Variants in OPCML observed in about 807,000 individuals in gnomAD.
The protein encoded by OPCML is opioid binding protein/cell adhesion molecule like.
Under a neutral mutation model 37.8 loss-of-function variants are expected in OPCML, and 13 were observed. The observed-to-expected ratio is 0.34, with a 90% CI of 0.22 to 0.55. The LOEUF is 0.55. Ranked by LOEUF, OPCML falls within the 20% of genes least tolerant of loss-of-function variation. The pLI, the probability that OPCML is intolerant of heterozygous loss-of-function variation, is 0.91. For synonymous variants in OPCML, 176 were observed against 168.8 expected, an observed-to-expected ratio of 1.04 and a Z score of -0.33; for missense variants, 341 against 435.6, an observed-to-expected ratio of 0.78 and a Z score of 1.93.
chr11:133,167,238 T>A (rs1196193369), intron 1 of OPCML, among the ~76,000 whole-genome samples: 1 of 152,218 alleles, frequency 6.6e-6, no homozygotes, highest in Non-Finnish European at 1.5e-5. Flanking sequence ...TCCCTCATCA[T>A]CATCATTATT....
At chr11:132,915,981 CT>C (rs1944589336) in intron 2 of OPCML, among the ~76,000 whole-genome samples, 1 of 152,022 alleles carries the variant, frequency 6.6e-6, no homozygotes, top group Non-Finnish European at 1.5e-5. Flanking sequence ...TCCTTTATTG[CT>C]TTTGGGTTTT....
At chr11:132,655,753 A>T (rs1941673841) in intron 3 of OPCML, among the ~76,000 whole-genome samples, 1 of 152,120 alleles carries the variant, frequency 6.6e-6, no homozygotes, top group Non-Finnish European at 1.5e-5. Context: ...TGCTTGCGCC[A>T]AAAGGAAAGA....
intron 1 of OPCML, among the ~76,000 whole-genome samples, chr11:133,244,701 A>ACTCTCTCTCT (rs34434286): frequency 2.6e-5 from 4 of 151,110 alleles, no homozygotes; most frequent in African/African-American, 9.7e-5. Flanking sequence ...TTGCTCACTC[A>ACTCTCTCTCT]CTCTCTCTCT....
chr11:132,919,723 C>T (rs1565963904), intron 2 of OPCML, among the ~76,000 whole-genome samples: 1 of 152,142 alleles, frequency 6.6e-6, no homozygotes, highest in Admixed American at 6.5e-5. Flanking sequence ...TCTGTCTCCT[C>T]ACCTCGGAAT....
At chr11:132,534,968 A>G (rs1472979205) in intron 3 of OPCML, among the ~76,000 whole-genome samples, 1 of 151,138 alleles carries the variant, frequency 6.6e-6, no homozygotes, top group Non-Finnish European at 1.5e-5. Context: ...TTAAGTTGGG[A>G]CTTATAAATA....
intron 1 of OPCML, among the ~76,000 whole-genome samples, chr11:133,327,267 AG>A (rs1404299013): frequency 2.6e-5 from 4 of 151,800 alleles, no homozygotes; most frequent in Admixed American, 1.3e-4. Flanking sequence ...TTAGCAGGTG[AG>A]GGGTTAGGAA....
chr11:133,008,355 T>C lies in OPCML; in HGVS notation c.62-65345A>G, dbSNP rs114903512. The C allele has an allele frequency of 1.8e-3, 1,726 of 985,406 alleles. 33 individuals carry two copies. The African/African-American group carries it at 0.028, about 16-fold the overall frequency. The allele number at this position is 985,406 out of a possible 1,614,324, so 61.0% of individuals were successfully genotyped here. ...ATGGGAAAGAGACCTGAAAGGAATA[T>C]GTTCCTTCAAAATCAGAGCACAATT... On this transcript the variant is annotated intron_variant, in intron 1 of 7. Coordinates refer to ENST00000524381, the MANE Select transcript of OPCML (RefSeq NM_001012393.5).
At chr11:133,278,559 T>TG (rs1942055242) in intron 1 of OPCML, among the ~76,000 whole-genome samples, 1 of 151,932 alleles carries the variant, frequency 6.6e-6, no homozygotes, top group East Asian at 1.9e-4. Flanking sequence ...GTGTCTATGG[T>TG]TGGGGGAGTG....
chr11:132,607,996 A>G (rs894391679), intron 3 of OPCML, among the ~76,000 whole-genome samples: 2 of 152,230 alleles, frequency 1.3e-5, no homozygotes, highest in Non-Finnish European at 2.9e-5. Context: ...CAAAACATCT[A>G]GAGGAAAATA....
At chr11:133,401,070 G>A (rs1945394614) in intron 1 of OPCML, among the ~76,000 whole-genome samples, 1 of 152,142 alleles carries the variant, frequency 6.6e-6, no homozygotes. Flanking sequence ...ATTTCCCCAA[G>A]TTTAGAGCAG....
intron 2 of OPCML, among the ~76,000 whole-genome samples, chr11:132,941,131 T>G (rs1945563076): frequency 6.6e-6 from 1 of 152,248 alleles, no homozygotes; most frequent in Non-Finnish European, 1.5e-5. Flanking sequence ...TTTTCTTTTT[T>G]TATTCCCATT....
At chr11:132,504,798 A>G (rs1159320384) in intron 4 of OPCML, among the ~76,000 whole-genome samples, 2 of 152,106 alleles carry the variant, frequency 1.3e-5, no homozygotes, top group African/African-American at 2.4e-5. Flanking sequence ...GCTGTATGCT[A>G]TGGTCATGCA....
chr11:132,681,564 C>T (rs1346045824), intron 2 of OPCML, among the ~76,000 whole-genome samples: 2 of 152,134 alleles, frequency 1.3e-5, no homozygotes, highest in African/African-American at 2.4e-5. Flanking sequence ...TCTTTCACAT[C>T]GGCAATAAAA....
chr11:132,604,594 G>A (rs528208857), intron 3 of OPCML, among the ~76,000 whole-genome samples: 2 of 152,184 alleles, frequency 1.3e-5, no homozygotes, highest in Non-Finnish European at 1.5e-5. Context: ...ACTCAAACAA[G>A]ACTTTCAAAT....
chr11:132,827,370 A>G (rs4937724), intron 2 of OPCML, among the ~76,000 whole-genome samples: 49,259 of 152,018 alleles, frequency 0.32, 8,828 homozygotes, highest in Non-Finnish European at 0.42. Context: ...ATCACTACAC[A>G]CCTACTTGAA....
chr11:133,116,613 A>G (rs1418154710), intron 1 of OPCML, among the ~76,000 whole-genome samples: 1 of 152,174 alleles, frequency 6.6e-6, no homozygotes, highest in African/African-American at 2.4e-5. Flanking sequence ...AGGAATACCT[A>G]GAAGTGATCC....
chr11:132,611,800 T>C (rs573687445), intron 3 of OPCML, among the ~76,000 whole-genome samples: 89 of 152,214 alleles, frequency 5.8e-4, no homozygotes, highest in African/African-American at 1.8e-3. Context: ...GAGGCAGTAG[T>C]AATAATTCAA....
chr11:132,843,190 G>T (rs1270505659), intron 2 of OPCML, among the ~76,000 whole-genome samples: 1 of 150,754 alleles, frequency 6.6e-6, no homozygotes, highest in Admixed American at 6.6e-5. Flanking sequence ...TGTCTCCCGG[G>T]TTCAAGCGAT....
chr11:133,439,999 T>A (rs1321512866), intron 1 of OPCML, among the ~76,000 whole-genome samples: 1 of 152,224 alleles, frequency 6.6e-6, no homozygotes, highest in Non-Finnish European at 1.5e-5. Flanking sequence ...TAATAAAAGT[T>A]GAAAAGCATT....
Sources: gnomAD v4.1 joint callset for allele counts (sites outside exome capture counted in the v4.1 genomes callset) on GRCh38, gnomAD v4.1.1 for gene constraint, MANE v1.5 for transcripts, NCBI Gene and HGNC (gene_info 2026-07-23, HGNC 2026-07-21) for gene names.